The following RNF213 variants were observed in gnomAD, a reference collection of about 807,000 sequenced individuals.
The protein encoded by RNF213 is E3 ubiquitin-protein ligase RNF213.
A neutral mutation model predicts 514.4 loss-of-function variants in RNF213; 341 were observed. The observed-to-expected ratio is 0.66, with a 90% CI of 0.61 to 0.73. The LOEUF is 0.73. RNF213 is among the 30% of genes least tolerant of loss of function. The pLI is 0.00. For missense variants in RNF213, 5,767 were observed against 6,615.6 expected (o/e 0.87, Z 4.45); for synonymous variants, 2,655 against 2,658.2 (o/e 1.00, Z 0.04).
chr17:80,265,780 G>A (rs187205552), intron 2 of RNF213, among the ~76,000 whole-genome samples: 16 of 152,256 alleles, frequency 1.1e-4, no homozygotes, highest in African/African-American at 3.4e-4. Flanking sequence ...TTAAAGTGGG[G>A]GCACTTAAGC....
At position 80,263,800 on chromosome 17, in the gene RNF213, G is replaced by A. The variant is rs756185803; in HGVS notation, c.97+22G>A. 4 of 1,607,954 alleles carry A rather than the reference G, an allele frequency of 2.5e-6. No individual in the cohort carries two copies. Among genetic ancestry groups the A allele is most frequent in the Non-Finnish European group, 3.4e-6 (4 of 1,174,628 alleles). On this transcript the variant is annotated intron_variant, in intron 2 of 67. Transcript: ENST00000582970. This position sits in a 1 kb window ranked among gnomAD's most constrained non-coding sequence, Gnocchi z 4.9. ...GCAGGTGAGGCCCAGGGGTGCTGGT[G>A]GAGGCTGGGGCAGTGGGGACCCCTG...
intron 6 of RNF213, 93 bp from the exon 7 acceptor site, chr17:80,290,477 G>A: frequency 6.8e-7 from 1 of 1,463,734 alleles, no homozygotes; most frequent in Non-Finnish European, 9.5e-7. Context: ...GTGCACGTGT[G>A]TGTGCGCACG....
rs1376817024 is a variant in RNF213 at position 80,313,779 on chromosome 17, A to G, written c.2811+612A>G. Among the ~76,000 whole-genome samples, 297 of 129,078 alleles carry G rather than the reference A, an allele frequency of 2.3e-3. 3 individuals carry two copies. Among genetic ancestry groups the G allele is most frequent in the Non-Finnish European group, 3.2e-3 (192 of 59,428 alleles). The allele number at this position is 129,078 out of a possible 152,430, so 84.7% of individuals were successfully genotyped here. On this transcript the variant is annotated intron_variant, in intron 15 of 67. Transcript: ENST00000582970. ...GGAGGTGGTGGAGGTACTGGAGGTG[A>G]TGGTGGTGGTGAAGGTGATGGTGGA...
rs1421717054 is a variant in RNF213, at chr17:80,288,099, A to G, written c.546A>G (p.Ala182=). The stretch of plus-strand genomic sequence containing the variant: ...TGCAGGCCCAGGCTTTGGGAGAGGC[A>G]GGAGTGGCCACAGGAAGTGAGGCTC... The part of the protein sequence containing the change: ...SPLQAQALGE[A]GVATGSEAQS... Residue 182 remains alanine, a synonymous_variant, in exon 4 of 68, where the codon GCA becomes GCG. Coordinates refer to ENST00000582970, the MANE Select transcript of RNF213 (RefSeq NM_001256071.3). The surrounding 1 kb of genome is among the most constrained non-coding windows in gnomAD (Gnocchi z 4.9). 1 of 1,607,806 alleles carries G rather than the reference A, an allele frequency of 6.2e-7. No individual in the cohort carries two copies. Among genetic ancestry groups the G allele is most frequent in the South Asian group, 1.1e-5 (1 of 90,912 alleles).
At chr17:80,378,606 G>A (rs4890017) in intron 54 of RNF213, among the ~76,000 whole-genome samples, 6,679 of 152,228 alleles carry the variant, frequency 0.044, 166 homozygotes, top group Middle Eastern at 0.058. Context: ...ATGAGCCACT[G>A]TGCCCAGCCT....
rs527573240 is a variant in RNF213 at position 80,377,102 on chromosome 17, G to A, written c.13510+139G>A. Reference sequence around the variant, plus strand: ...AAACCACCTGCATTCTACCGGTGGCGTCTGCAGAAGACGAATGGCTTGAAG... The same window carrying A: ...AAACCACCTGCATTCTACCGGTGGCATCTGCAGAAGACGAATGGCTTGAAG... On this transcript the variant is annotated intron_variant, in intron 53 of 67. Transcript: ENST00000582970. This position sits in a 1 kb window ranked among gnomAD's most constrained non-coding sequence, Gnocchi z 4.1. 10 of 694,590 alleles carry A rather than the reference G, an allele frequency of 1.4e-5. No homozygotes were observed. The highest frequency in any genetic ancestry group is 4.1e-5 in the Admixed American group (2 of 48,632). The allele number at this position is 694,590 out of a possible 1,614,324, so 43.0% of individuals were successfully genotyped here.
rs776689503 is a variant in RNF213, at chr17:80,369,651, G to A, written c.12305G>A (p.Arg4102His). The change falls in exon 45 of 68, where the codon CGC (arginine) becomes CAC (histidine). Residue 4102 changes from arginine to histidine, a missense_variant. Arg to His is a conservative substitution (Grantham distance 29). Coordinates refer to ENST00000582970, the MANE Select transcript of RNF213 (RefSeq NM_001256071.3). ...TCTCTCCTCTTCGTCCAAAAGGGGCGCTTAAGAGATGCTGCCCAGAGTAGG... is the reference window on the plus strand; with the variant it reads ...TCTCTCCTCTTCGTCCAAAAGGGGCACTTAAGAGATGCTGCCCAGAGTAGG... ...LLSLLFVQKGRLRDAAQRHCE... is the reference protein window; with the variant it reads ...LLSLLFVQKGHLRDAAQRHCE... The A allele has an allele frequency of 8.7e-6, 14 of 1,614,188 alleles. No individual in the cohort carries two copies. Among genetic ancestry groups the A allele is most frequent in the Middle Eastern group, 1.6e-4 (1 of 6,062 alleles).
At chr17:80,359,549 AAAAGAGT>A (rs1320699240) in intron 37 of RNF213, among the ~76,000 whole-genome samples, 2 of 148,568 alleles carry the variant, frequency 1.3e-5, no homozygotes, top group Admixed American at 6.7e-5. Context: ...AAAAAAAAAA[AAAAGAGT>A]GAGAGAGGGA....
At position 80,313,050 on chromosome 17, in the gene RNF213, A is replaced by C; in HGVS notation, c.2694A>C (p.Ser898=). ...AGAGAGATGAAACTGGAAATAATTC[A>C]GTCCAAACAGTCTTCCAAGGGACCC... The part of the protein sequence containing the change: ...AGQRDETGNN[S]VQTVFQGTLA... Residue 898 remains serine, a synonymous_variant, in exon 15 of 68, where the codon TCA becomes TCC. Transcript: ENST00000582970. The C allele has an allele frequency of 1.9e-6, 3 of 1,614,062 alleles. No individual in the cohort carries two copies. Among genetic ancestry groups the C allele is most frequent in the Non-Finnish European group, 2.5e-6 (3 of 1,180,042 alleles).
intron 3 of RNF213, among the ~76,000 whole-genome samples, chr17:80,286,506 G>C (rs1039808829): frequency 1.3e-5 from 2 of 152,258 alleles, no homozygotes; most frequent in South Asian, 2.1e-4. Context: ...TGGGAACGCA[G>C]CCTCCTCCTT....
chr17:80,278,274 G>C (rs569594750), intron 3 of RNF213, among the ~76,000 whole-genome samples: 1 of 152,248 alleles, frequency 6.6e-6, no homozygotes, highest in African/African-American at 2.4e-5. Flanking sequence ...TGTCGGATGA[G>C]CATGCCCGCT....
intron 11 of RNF213, 141 bp downstream of exon 11, chr17:80,298,659 A>G: frequency 1.1e-6 from 1 of 915,412 alleles, no homozygotes; most frequent in East Asian, 2.6e-5. Context: ...TTAACATTTT[A>G]AGACATCAAA....
At chr17:80,305,259 A>T (rs1440176019) in intron 11 of RNF213, among the ~76,000 whole-genome samples, 7 of 142,848 alleles carry the variant, frequency 4.9e-5, no homozygotes, top group Non-Finnish European at 1.0e-4. Flanking sequence ...GCTCACCGCA[A>T]CCTCTGCCTC....
At chr17:80,327,422 A>G (rs1286066261) in intron 18 of RNF213, among the ~76,000 whole-genome samples, 2 of 150,900 alleles carry the variant, frequency 1.3e-5, no homozygotes, top group Non-Finnish European at 2.9e-5. Context: ...ATGAGGTTAC[A>G]GTGGGCTATG....
At chr17:80,379,798 C>A in intron 55 of RNF213, 84 bp downstream of exon 55, 1 of 1,081,564 alleles carries the variant, frequency 9.2e-7, no homozygotes, top group Non-Finnish European at 1.4e-6. Context: ...AAGTGATACT[C>A]AAGATAGTAC....
chr17:80,315,898 GTGATGGTGGTGAT>G (rs2045926168), intron 15 of RNF213, among the ~76,000 whole-genome samples: 1 of 53,488 alleles, frequency 1.9e-5, no homozygotes, highest in Non-Finnish European at 4.3e-5. Context: ...GGTGGTGAAG[GTGATGGTGGTGAT>G]GGAGGTGGTG....
In RNF213 at chr17:80,381,789, C is replaced by T. The variant is rs543841812; in HGVS notation, c.13978+62C>T. The T allele has an allele frequency of 3.6e-5, 55 of 1,507,936 alleles. No individual in the cohort carries two copies. In the Admixed American group the frequency reaches 5.8e-4, roughly 16 times the overall value. The allele number at this position is 1,507,936 out of a possible 1,614,324, so 93.4% of individuals were successfully genotyped here. On this transcript the variant is annotated intron_variant, in intron 57 of 67. Coordinates refer to ENST00000582970, the MANE Select transcript of RNF213 (RefSeq NM_001256071.3). ...AGCACAACGGCAGCGCAAGCAGGCT[C>T]GCTGTCTTGTGGGCCACCCCACACA...
In RNF213 at chr17:80,369,553, C is replaced by T. The variant is rs375059444; in HGVS notation, c.12207C>T (p.Phe4069=). ...ARFRQMCNSF[F]VDLVSTICFK... ...TCCGGCAGATGTGCAACAGTTTCTT[C>T]GTAGACCTGGTGTCCACCATTTGCT... Residue 4069 remains phenylalanine, a synonymous_variant, in exon 45 of 68, where the codon TTC becomes TTT. Transcript: ENST00000582970. 37 of 1,614,058 alleles carry T rather than the reference C, an allele frequency of 2.3e-5. No homozygotes were observed. Among genetic ancestry groups the T allele is most frequent in the Non-Finnish European group, 2.7e-5 (32 of 1,180,040 alleles).
In RNF213 at chr17:80,319,199, C is replaced by T; in HGVS notation, c.2911C>T (p.Leu971Phe). The change falls in exon 17 of 68, where the codon CTC becomes TTC. Residue 971 changes from leucine (L) to phenylalanine (F), a missense_variant. By Grantham distance (22) the Leu-to-Phe change is conservative. This residue lies in a region of RNF213 where 516 missense variants were observed against 566.5 expected (regional missense o/e 0.91). Coordinates refer to ENST00000582970, the MANE Select transcript of RNF213 (RefSeq NM_001256071.3). ...MEWRLTKEEP[L>F]SQITAYCNSC... ...CCTTTGATTTTTGCAGGAGGAACCC[C>T]TCTCCCAGATCACTGCCTACTGCAA... 6 of 1,614,198 alleles carry T rather than the reference C, an allele frequency of 3.7e-6. No individual in the cohort carries two copies. The highest frequency in any genetic ancestry group is 4.2e-6 in the Non-Finnish European group (5 of 1,180,044).
Sources: gnomAD v4.1 joint callset for allele counts (sites outside exome capture counted in the v4.1 genomes callset) on GRCh38, gnomAD v4.1.1 for gene constraint, gnomAD v4.1.1 regional missense constraint, Gnocchi (gnomAD v3.1) non-coding constraint, MANE v1.5 for transcripts, NCBI Gene and HGNC (gene_info 2026-07-23, HGNC 2026-07-21) for gene names.